The following PRKN variants were observed in gnomAD, a reference collection of about 807,000 sequenced individuals.
PRKN encodes E3 ubiquitin-protein ligase parkin.
PRKN carries 56 observed loss-of-function variants against 59.5 expected under a neutral mutation model. The observed-to-expected ratio is 0.94, with a 90% CI of 0.76 to 1.18. PRKN has a LOEUF of 1.18. Among genes scored for constraint, PRKN ranks in the 50% most tolerant of loss-of-function variants. The pLI, the probability that PRKN is intolerant of heterozygous loss-of-function variation, is 0.00. For synonymous variants in PRKN, 250 were observed against 222.1 expected (o/e 1.13, Z -1.12); for missense variants, 657 against 596.4 (o/e 1.10, Z -1.06).
chr6:162,596,209 C>T (rs562910962), intron 1 of PRKN, among the ~76,000 whole-genome samples: 3 of 152,092 alleles, frequency 2.0e-5, no homozygotes, highest in Non-Finnish European at 4.4e-5. Context: ...GCCCCCTTCC[C>T]GTGAAATTTT....
chr6:162,438,228 C>T (rs1365715178), intron 2 of PRKN, among the ~76,000 whole-genome samples: 1 of 152,102 alleles, frequency 6.6e-6, no homozygotes, highest in Non-Finnish European at 1.5e-5. Flanking sequence ...TTCCTTGCAT[C>T]TGTGTTTATG....
rs551836317 is a variant in PRKN at position 162,182,902 on chromosome 6, AG to A, written c.534+18228del. Among the ~76,000 whole-genome samples, 172 of 152,254 alleles carry A rather than the reference AG, an allele frequency of 1.1e-3. 3 individuals are homozygous for A. In the South Asian group the frequency reaches 0.034, roughly 30 times the overall value. ...TATTTGAAACGTTCAAGTAAACTAA[AG>A]TTTTGTGAAAACTGCTTTTCACCTA... is the stretch of plus-strand genomic sequence containing the variant. On this transcript the variant is annotated intron_variant, in intron 4 of 11. Transcript: ENST00000366898.
intron 5 of PRKN, among the ~76,000 whole-genome samples, chr6:162,020,332 C>CAAAAAAAAAAAAAAAAAAAAAAAA (rs771141235): frequency 4.4e-4 from 20 of 45,504 alleles, no homozygotes; most frequent in Non-Finnish European, 7.4e-4. Flanking sequence ...ACCAATGAAT[C>CAAAAAAAAAAAAAAAAAAAAAAAA]AAAAAAAAAA....
At chr6:161,687,397 A>AG (rs1270207178) in intron 7 of PRKN, among the ~76,000 whole-genome samples, 4 of 148,804 alleles carry the variant, frequency 2.7e-5, no homozygotes, top group African/African-American at 9.8e-5. Context: ...TCAAAAAAAA[A>AG]AAAAAAAAAA....
At chr6:161,833,857 T>C (rs1224970924) in intron 6 of PRKN, among the ~76,000 whole-genome samples, 1 of 152,172 alleles carries the variant, frequency 6.6e-6, no homozygotes, top group Middle Eastern at 3.2e-3. Context: ...GGTTTCCTAC[T>C]AGATCTTACC....
chr6:161,493,207 T>A (rs1777622630), intron 9 of PRKN, among the ~76,000 whole-genome samples: 1 of 152,208 alleles, frequency 6.6e-6, no homozygotes, highest in Non-Finnish European at 1.5e-5. Flanking sequence ...ACAAAGTGTC[T>A]GGCACACATG....
At chr6:162,292,484 C>T (rs1176192549) in intron 2 of PRKN, among the ~76,000 whole-genome samples, 1 of 152,046 alleles carries the variant, frequency 6.6e-6, no homozygotes, top group African/African-American at 2.4e-5. Context: ...AAAAAAAATC[C>T]CAGGCAAACA....
chr6:161,918,259 T>C (rs944000039), intron 6 of PRKN, among the ~76,000 whole-genome samples: 1 of 152,186 alleles, frequency 6.6e-6, no homozygotes, highest in African/African-American at 2.4e-5. Flanking sequence ...CGTCATTGCT[T>C]CAATTTGCTG....
chr6:162,012,227 T>C (rs1478651916), intron 5 of PRKN, among the ~76,000 whole-genome samples: 2 of 152,102 alleles, frequency 1.3e-5, no homozygotes, highest in Non-Finnish European at 2.9e-5. Context: ...TATAGAACAG[T>C]TGCAAAAATT....
chr6:162,636,062 G>A (rs1436283805), intron 1 of PRKN, among the ~76,000 whole-genome samples: 1 of 152,114 alleles, frequency 6.6e-6, no homozygotes, highest in Non-Finnish European at 1.5e-5. Context: ...TGCTGTGACT[G>A]AAAAGTAGTG....
At chr6:162,343,814 C>T (rs1314597290) in intron 2 of PRKN, among the ~76,000 whole-genome samples, 1 of 152,126 alleles carries the variant, frequency 6.6e-6, no homozygotes, top group Non-Finnish European at 1.5e-5. Flanking sequence ...AGGAAACCTA[C>T]ATGATTTCTA....
At chr6:161,522,789 G>A (rs1030293222) in intron 9 of PRKN, among the ~76,000 whole-genome samples, 7 of 152,198 alleles carry the variant, frequency 4.6e-5, no homozygotes, top group South Asian at 2.1e-4. Flanking sequence ...CGTAGTGAAC[G>A]GAGGTCCTGT....
chr6:161,536,050 G>A (rs759400575), intron 9 of PRKN, among the ~76,000 whole-genome samples: 12 of 151,744 alleles, frequency 7.9e-5, no homozygotes, highest in Non-Finnish European at 1.5e-4. Flanking sequence ...CTACTAAAAC[G>A]CTCTCATCAA....
At chr6:161,716,114 C>G in intron 7 of PRKN, 1 of 1,347,582 alleles carries the variant, frequency 7.4e-7, no homozygotes, top group East Asian at 4.6e-5. Flanking sequence ...CCTCTAAGCA[C>G]CACTGTGTCT....
chr6:161,624,608 G>A (rs2128152079), intron 7 of PRKN, among the ~76,000 whole-genome samples: 1 of 152,322 alleles, frequency 6.6e-6, no homozygotes, highest in African/African-American at 2.4e-5. Context: ...GATCAATCAT[G>A]CAAGGTTAGC....
At chr6:162,321,399 G>C (rs781457228) in intron 2 of PRKN, among the ~76,000 whole-genome samples, 6 of 151,766 alleles carry the variant, frequency 4.0e-5, no homozygotes, top group African/African-American at 1.2e-4. Context: ...AACCTCAAAC[G>C]AAGAAAACTT....
At chr6:161,730,303 T>C (rs1787633966) in intron 7 of PRKN, among the ~76,000 whole-genome samples, 1 of 151,178 alleles carries the variant, frequency 6.6e-6, no homozygotes, top group East Asian at 1.9e-4. Context: ...CATTCTGATG[T>C]GTTGTATTCT....
chr6:162,234,422 A>G (rs77788523), intron 3 of PRKN, among the ~76,000 whole-genome samples: 1 of 152,156 alleles, frequency 6.6e-6, no homozygotes, highest in Admixed American at 6.5e-5. Context: ...GACACAAGTC[A>G]TATGTTTTAA....
At chr6:162,339,345 G>A (rs1344918091) in intron 2 of PRKN, among the ~76,000 whole-genome samples, 6 of 146,418 alleles carry the variant, frequency 4.1e-5, no homozygotes, top group African/African-American at 1.5e-4. Flanking sequence ...GAGGTGGGGG[G>A]GTCAGCCCCC....
Sources: gnomAD v4.1 joint callset for allele counts (sites outside exome capture counted in the v4.1 genomes callset) on GRCh38, gnomAD v4.1.1 for gene constraint, MANE v1.5 for transcripts, NCBI Gene and HGNC (gene_info 2026-07-23, HGNC 2026-07-21) for gene names.